COL16A1: variants seen among roughly 807,000 people sequenced by gnomAD.
COL16A1 encodes the protein collagen alpha-1(XVI) chain.
COL16A1 carries 189 observed loss-of-function variants against 266.3 expected under a neutral mutation model. The observed-to-expected ratio is 0.71, with a 90% confidence interval of 0.63 to 0.80. COL16A1 has a LOEUF of 0.80. Among genes scored for constraint, COL16A1 ranks in the 30% least tolerant of loss-of-function variants. The pLI, the probability that COL16A1 is intolerant of heterozygous loss-of-function variation, is 0.00. For synonymous variants in COL16A1, 740 were observed against 782.3 expected, an observed-to-expected ratio of 0.95 and a Z score of 0.90; for missense variants, 1,928 against 2,122.4, an observed-to-expected ratio of 0.91 and a Z score of 1.80.
In COL16A1 at chr1:31,656,248, T is replaced by C; in HGVS notation, c.4101+152A>G. 7.4e-7 allele frequency: 1 copy of C among 1,347,234 alleles called. No individual in the cohort carries two copies. Among genetic ancestry groups the C allele is most frequent in the Non-Finnish European group, 1.0e-6 (1 of 990,172 alleles). 83.5% of individuals were successfully genotyped at this position (1,347,234 alleles called of 1,614,324 possible). A position where few individuals can be genotyped will look rare whatever the true frequency, so the allele number is the denominator to read the frequency against. On this transcript the variant is annotated intron_variant, in intron 66 of 70. Transcript: ENST00000373672. This position sits in a 1 kb window ranked among gnomAD's most constrained non-coding sequence, Gnocchi z 4.2. ...ACAGCTAATGACCCCATGTGAGAAA[T>C]TTTCAGACACTATCCTGCTCCAAGT...
chr1:31,677,359 G>A (rs1438461870), intron 42 of COL16A1, among the ~76,000 whole-genome samples: 2 of 152,264 alleles, frequency 1.3e-5, no homozygotes, highest in African/African-American at 4.8e-5. Flanking sequence ...AAAGTGCTGG[G>A]ATTACAGGCG....
chr1:31,666,179 T>C, intron 52 of COL16A1, 98 bp from the exon 53 acceptor site: 2 of 1,316,138 alleles, frequency 1.5e-6, no homozygotes, highest in Non-Finnish European at 1.0e-6. Flanking sequence ...AGAGGTGGCA[T>C]GTGCTGGGAG....
intron 2 of COL16A1, among the ~76,000 whole-genome samples, chr1:31,701,142 G>A (rs113676732): frequency 0.079 from 11,983 of 152,160 alleles, 1,554 homozygotes; most frequent in African/African-American, 0.27. Flanking sequence ...CCTGGGGCCC[G>A]GTGCCAATGA....
chr1:31,686,026 G>A (rs1293689173), intron 28 of COL16A1, 65 bp downstream of exon 28: 1 of 1,599,616 alleles, frequency 6.3e-7, no homozygotes, highest in Non-Finnish European at 8.5e-7. Flanking sequence ...TCGAAGTCGA[G>A]CAAGACGAGT....
intron 2 of COL16A1, chr1:31,701,665 G>T (rs1644729605): frequency 1.4e-6 from 1 of 711,680 alleles, no homozygotes. Flanking sequence ...TGAGCTAGAG[G>T]GATGGAGTCT....
In COL16A1 at chr1:31,697,852, C is replaced by CA. The variant is rs541537439; in HGVS notation, c.657+53dup. 1.4e-4 allele frequency: 213 copies of CA among 1,538,312 alleles called. No homozygotes were observed. In the African/African-American group the frequency reaches 2.6e-3, roughly 19 times the overall value. ...GTTCCGATACGGATTCCAGGAAGCCCACTCAGGTTCCCAGAAGGCAGGAAC... is the reference window on the plus strand; with the variant it reads ...GTTCCGATACGGATTCCAGGAAGCCCAACTCAGGTTCCCAGAAGGCAGGAAC... On this transcript the variant is annotated intron_variant, in intron 6 of 70. Coordinates refer to ENST00000373672, the MANE Select transcript of COL16A1 (RefSeq NM_001856.4). The surrounding 1 kb of genome is among the most constrained non-coding windows in gnomAD (Gnocchi z 4.2).
In COL16A1 at chr1:31,697,358, GCCCC is replaced by G; in HGVS notation, c.658-62_658-59del. 2.0e-6 allele frequency: 3 copies of G among 1,502,870 alleles called. No individual in the cohort carries two copies. Among genetic ancestry groups the G allele is most frequent in the Non-Finnish European group, 2.7e-6 (3 of 1,107,416 alleles). 93.1% of individuals were successfully genotyped at this position (1,502,870 alleles called of 1,614,324 possible). ...TTTTATCAAATAGCTCTGTGTCCTG[GCCCC>G]CCAGGAGGCACAGAGATGTCTCTGC... On this transcript the variant is annotated intron_variant, in intron 6 of 70. Coordinates refer to ENST00000373672, the MANE Select transcript of COL16A1 (RefSeq NM_001856.4). This position sits in a 1 kb window ranked among gnomAD's most constrained non-coding sequence, Gnocchi z 4.2.
Position 31,698,983 on chromosome 1 carries a change from T to C in COL16A1, c.267-377A>G, listed in dbSNP as rs904360334. Reference sequence around the variant, plus strand: ...AGTGGCAGGCGCCTGTAATCCCAGCTACCCGGGAGGCTGAGGCAGGAGAAT... The same window carrying C: ...AGTGGCAGGCGCCTGTAATCCCAGCCACCCGGGAGGCTGAGGCAGGAGAAT... On this transcript the variant is annotated intron_variant, in intron 4 of 70. Coordinates refer to ENST00000373672, the MANE Select transcript of COL16A1 (RefSeq NM_001856.4). The surrounding 1 kb of genome is among the most constrained non-coding windows in gnomAD (Gnocchi z 4.1). 1.3e-5 allele frequency among the ~76,000 whole-genome samples: 2 copies of C among 152,038 alleles called. No homozygotes were observed. The highest frequency in any genetic ancestry group is 4.8e-5 in the African/African-American group (2 of 41,384).
At position 31,697,357 on chromosome 1, in the gene COL16A1, G is replaced by C; in HGVS notation, c.658-57C>G. ...ATTTTATCAAATAGCTCTGTGTCCT[G>C]GCCCCCCAGGAGGCACAGAGATGTC... On this transcript the variant is annotated intron_variant, in intron 6 of 70. Transcript: ENST00000373672. This position sits in a 1 kb window ranked among gnomAD's most constrained non-coding sequence, Gnocchi z 4.2. The C allele has an allele frequency of 6.6e-7, 1 of 1,505,450 alleles. No homozygotes were observed. The highest frequency in any genetic ancestry group is 9.0e-7 in the Non-Finnish European group (1 of 1,109,576). 93.3% of individuals were successfully genotyped at this position (1,505,450 alleles called of 1,614,324 possible).
At chr1:31,665,733 C>T in intron 54 of COL16A1, 115 bp from the exon 55 acceptor site, 1 of 1,592,150 alleles carries the variant, frequency 6.3e-7, no homozygotes, top group Non-Finnish European at 8.6e-7. Context: ...TTGCCCTCCC[C>T]TCTGCCCACC....
intron 42 of COL16A1, among the ~76,000 whole-genome samples, chr1:31,676,995 G>A (rs1464844162): frequency 6.6e-6 from 1 of 152,228 alleles, no homozygotes; most frequent in Non-Finnish European, 1.5e-5. Flanking sequence ...CACCATCCAG[G>A]CCCCCTGGCA....
chr1:31,691,715 G>C, intron 17 of COL16A1, 73 bp from the exon 18 acceptor site: 1 of 1,544,184 alleles, frequency 6.5e-7, no homozygotes, highest in Non-Finnish European at 8.8e-7. Context: ...AGAGGTGAAT[G>C]CCCACCTGTC....
chr1:31,690,653 C>T, intron 20 of COL16A1, 80 bp from the exon 21 acceptor site: 1 of 1,558,310 alleles, frequency 6.4e-7, no homozygotes, highest in East Asian at 2.3e-5. Context: ...CACCCGTGCC[C>T]CTCTGTGATG....
chr1:31,686,419 C>T (rs993196974), intron 26 of COL16A1, 140 bp from the exon 27 acceptor site: 44 of 1,156,326 alleles, frequency 3.8e-5, no homozygotes, highest in Non-Finnish European at 5.3e-5. Context: ...AGGGCTTTCT[C>T]CAAGGTCCCC....
chr1:31,673,667 A>G (rs894027202), intron 44 of COL16A1, among the ~76,000 whole-genome samples: 3 of 152,252 alleles, frequency 2.0e-5, no homozygotes, highest in Admixed American at 6.5e-5. Flanking sequence ...TGAGACAGGG[A>G]ATCTTATAAG....
intron 1 of COL16A1, 104 bp from the exon 2 acceptor site, chr1:31,702,331 G>T: frequency 3.3e-6 from 4 of 1,207,564 alleles, no homozygotes; most frequent in Middle Eastern, 2.6e-4. Flanking sequence ...CACTGGTATT[G>T]GGGTGGCAGG....
chr1:31,698,120 C>T lies in COL16A1; in HGVS notation c.443G>A (p.Gly148Asp). The change falls in exon 6 of 71, where the codon GGC becomes GAC. Residue 148 changes from glycine (G) to aspartate (D), a missense_variant. By Grantham distance (94) the Gly-to-Asp change is moderately conservative (BLOSUM62 -1). Transcript: ENST00000373672. The surrounding 1 kb of genome is among the most constrained non-coding windows in gnomAD (Gnocchi z 4.1). ...GCAGGACACAAAGTCGCCATCCTGG[C>T]CCTGGGCCCTGAGCTCCAGGCTCCG... ...QERSLELRAQGQDGDFVSCIF... is the reference protein window; with the variant it reads ...QERSLELRAQDQDGDFVSCIF... 1 of 1,613,964 alleles carries T rather than the reference C, an allele frequency of 6.2e-7. No individual in the cohort carries two copies. The highest frequency in any genetic ancestry group is 8.5e-7 in the Non-Finnish European group (1 of 1,180,046).
Position 31,694,187 on chromosome 1 carries a change from G to T in COL16A1, c.982-17C>A, listed in dbSNP as rs1644397073. On this transcript the variant is annotated splice_polypyrimidine_tract_variant and intron_variant, in intron 11 of 70. Transcript: ENST00000373672. ...AAGTGTGACCTGAGGGGACAGAGGA[G>T]AGGGCATCACACTTCCGGTAGAGAG... is the stretch of plus-strand genomic sequence containing the variant. The T allele has an allele frequency of 1.2e-5, 19 of 1,579,566 alleles. No homozygotes were observed. Among genetic ancestry groups the T allele is most frequent in the Non-Finnish European group, 1.6e-5 (18 of 1,158,618 alleles).
chr1:31,684,291 C>T (rs774873138), intron 31 of COL16A1, 60 bp from the exon 32 acceptor site: 60 of 1,448,938 alleles, frequency 4.1e-5, no homozygotes, highest in East Asian at 7.5e-5. Flanking sequence ...CAGGCCAGGA[C>T]GCCCTGCACC....
Sources: allele counts gnomAD v4.1 joint callset (sites outside exome capture counted in the v4.1 genomes callset), GRCh38; gene constraint gnomAD v4.1.1; non-coding constraint Gnocchi (gnomAD v3.1); transcripts MANE v1.5; gene names NCBI Gene and HGNC (gene_info 2026-07-23, HGNC 2026-07-21).